CHD7: variants seen among roughly 807,000 people sequenced by gnomAD.
The protein encoded by CHD7 is ATP-dependent chromatin remodeler CHD7.
In CHD7, 24 loss-of-function variants were observed where a neutral mutation model predicts 307.3. The observed-to-expected ratio is 0.08, with a 90% CI of 0.06 to 0.11. The LOEUF (loss-of-function observed/expected upper bound fraction) is 0.11. Among genes scored for constraint, CHD7 ranks in the 10% least tolerant of loss-of-function variants. CHD7 has a pLI of 1.00. For synonymous variants in CHD7, 1,363 were observed against 1,349.9 expected (o/e 1.01, Z -0.21); for missense variants, 3,106 against 3,727.1 (o/e 0.83, Z 4.34).
intron 6 of CHD7, among the ~76,000 whole-genome samples, chr8:60,804,562 C>T (rs986348448): frequency 1.3e-5 from 2 of 152,138 alleles, no homozygotes; most frequent in Admixed American, 6.5e-5. Context: ...GATTTGGTGT[C>T]TCTAGTAAAG....
chr8:60,850,480 G>T lies in CHD7; in HGVS notation c.5405-13G>T, dbSNP rs1131690787. The T allele has an allele frequency of 2.5e-6, 4 of 1,597,806 alleles. No individual in the cohort carries two copies. The highest frequency in any genetic ancestry group is 3.4e-6 in the Non-Finnish European group (4 of 1,166,580). The stretch of plus-strand genomic sequence containing the variant: ...TTCTGTGTGTTTTCTGTGCACGGAT[G>T]GGCACGGCACAGGCTATGAGAAGTA... On this transcript the variant is annotated splice_polypyrimidine_tract_variant and intron_variant, in intron 25 of 37. Coordinates refer to ENST00000423902, the MANE Select transcript of CHD7 (RefSeq NM_017780.4).
At chr8:60,715,900 C>G (rs1377528737) in intron 1 of CHD7, among the ~76,000 whole-genome samples, 4 of 152,194 alleles carry the variant, frequency 2.6e-5, no homozygotes, top group Non-Finnish European at 4.4e-5. Context: ...ACTGTCCACG[C>G]CCTGTGTCTT....
chr8:60,716,112 C>T (rs1807584935), intron 1 of CHD7, among the ~76,000 whole-genome samples: 2 of 152,206 alleles, frequency 1.3e-5, no homozygotes, highest in South Asian at 2.1e-4. Flanking sequence ...CTGGCTCTGC[C>T]TTTAAAGTAT....
intron 3 of CHD7, among the ~76,000 whole-genome samples, chr8:60,786,496 G>A (rs1811497606): frequency 2.0e-5 from 3 of 152,186 alleles, no homozygotes; most frequent in Admixed American, 2.0e-4. Context: ...CCAAAGCAGT[G>A]GCCTTGTTCC....
chr8:60,685,990 T>C (rs1162635658), intron 1 of CHD7, among the ~76,000 whole-genome samples: 1 of 152,202 alleles, frequency 6.6e-6, no homozygotes, highest in Non-Finnish European at 1.5e-5. Flanking sequence ...CTTGTGTGCA[T>C]AAAGATAACC....
chr8:60,742,164 C>G lies in CHD7; in HGVS notation c.732C>G (p.Ser244Arg), dbSNP rs779776551. ...CCCACGTGCCCCAGCAGAGTCCCAG[C>G]ATGGCACCTTCCTTGCGTCACTCGG... The part of the protein sequence containing the change: ...HLSHVPQQSP[S>R]MAPSLRHSVQ... Residue 244 changes from serine (S) to arginine (R), a missense_variant, in exon 2 of 38, where the codon AGC becomes AGG. This residue lies in a region of CHD7 where 998 missense variants were observed against 1,004.5 expected (regional missense o/e 0.99). Transcript: ENST00000423902. The G allele has an allele frequency of 6.2e-6, 10 of 1,613,956 alleles. No homozygotes were observed. Among genetic ancestry groups the G allele is most frequent in the Non-Finnish European group, 8.5e-6 (10 of 1,179,882 alleles).
At chr8:60,808,153 A>G in intron 6 of CHD7, 64 bp from the exon 7 acceptor site, 1 of 1,128,844 alleles carries the variant, frequency 8.9e-7, no homozygotes, top group South Asian at 1.3e-5. Flanking sequence ...GGAGTAAATC[A>G]TTACTTTTAA....
At chr8:60,703,046 G>A (rs990049327) in intron 1 of CHD7, among the ~76,000 whole-genome samples, 3 of 152,192 alleles carry the variant, frequency 2.0e-5, no homozygotes, top group African/African-American at 7.2e-5. Flanking sequence ...AAGTTACATG[G>A]CCAGGCAGTG....
intron 23 of CHD7, among the ~76,000 whole-genome samples, chr8:60,846,264 G>T (rs1405976401): frequency 2.0e-5 from 3 of 152,106 alleles, no homozygotes; most frequent in Admixed American, 1.3e-4. Flanking sequence ...GGAAGACTGG[G>T]GAGTTCATGT....
At chr8:60,738,835 T>G (rs766767833) in intron 1 of CHD7, among the ~76,000 whole-genome samples, 1 of 152,140 alleles carries the variant, frequency 6.6e-6, no homozygotes, top group Non-Finnish European at 1.5e-5. Flanking sequence ...GCTTAGTTGA[T>G]ACCATATAAT....
At position 60,712,357 on chromosome 8, in the gene CHD7, A is replaced by C. The variant is rs868856135; in HGVS notation, c.-174-28902A>C. ...CTAAGCAACATCATATTTTATAGGG[A>C]AAAATAATAGGAAAAAAGAAGAATT... On this transcript the variant is annotated intron_variant, in intron 1 of 37. Coordinates refer to ENST00000423902, the MANE Select transcript of CHD7 (RefSeq NM_017780.4). Among the ~76,000 whole-genome samples the C allele has an allele frequency of 1.4e-4, 22 of 152,300 alleles. 1 individual carries two copies. Among genetic ancestry groups the C allele is most frequent in the African/African-American group, 4.6e-4 (19 of 41,560 alleles).
intron 1 of CHD7, among the ~76,000 whole-genome samples, chr8:60,711,870 AT>A (rs1247754239): frequency 6.6e-6 from 1 of 152,238 alleles, no homozygotes; most frequent in Non-Finnish European, 1.5e-5. Context: ...CCAGAACAAA[AT>A]TACCCATTCA....
At position 60,800,382 on chromosome 8, in the gene CHD7, T is replaced by C; in HGVS notation, c.2239-6T>C. 1 of 1,612,632 alleles carries C rather than the reference T, an allele frequency of 6.2e-7. No homozygotes were observed. The highest frequency in any genetic ancestry group is 8.5e-7 in the Non-Finnish European group (1 of 1,179,234). On this transcript the variant is annotated splice_region_variant and splice_polypyrimidine_tract_variant and intron_variant, in intron 4 of 37. Coordinates refer to ENST00000423902, the MANE Select transcript of CHD7 (RefSeq NM_017780.4). ...TCAAGGCCACTGTCTTGGGTTTTTG[T>C]TTTAGAAGAGACGGTCCAGCAGACA... is the stretch of plus-strand genomic sequence containing the variant.
chr8:60,821,249 T>TA (rs1232178305), intron 9 of CHD7, among the ~76,000 whole-genome samples: 4 of 152,096 alleles, frequency 2.6e-5, no homozygotes, highest in East Asian at 1.9e-4. Context: ...TTTGTACAGA[T>TA]AAAAAAAATC....
chr8:60,749,824 T>G (rs1169533249), intron 2 of CHD7, among the ~76,000 whole-genome samples: 2 of 152,228 alleles, frequency 1.3e-5, no homozygotes, highest in African/African-American at 4.8e-5. Flanking sequence ...CCTTTACTGG[T>G]CTCTCTTTCC....
intron 1 of CHD7, among the ~76,000 whole-genome samples, chr8:60,693,224 C>T (rs1228904657): frequency 6.6e-6 from 1 of 152,202 alleles, no homozygotes; most frequent in Non-Finnish European, 1.5e-5. Flanking sequence ...CCCAGGCCTG[C>T]TAGGTCATTA....
intron 2 of CHD7, among the ~76,000 whole-genome samples, chr8:60,758,951 C>A (rs535555171): frequency 6.6e-6 from 1 of 152,170 alleles, no homozygotes; most frequent in Non-Finnish European, 1.5e-5. Context: ...GCAAGAATAA[C>A]AATTACCAGC....
chr8:60,795,111 A>C lies in CHD7; in HGVS notation c.2222A>C (p.Glu741Ala). The part of the protein sequence containing the change: ...PPPSPPPEED[E>A]DPGVQKRRSS... The stretch of plus-strand genomic sequence containing the variant: ...CCATCTCCTCCTCCTGAAGAAGATG[A>C]GGACCCAGGTGTTCAGGTAATACAA... Residue 741 changes from glutamate (E) to alanine (A), a missense_variant, in exon 4 of 38, where the codon GAG becomes GCG. Physicochemically the swap from Glu to Ala is moderately radical, Grantham distance 107. Around this residue, in one of 10 missense-constraint regions of CHD7, gnomAD observed 998 missense variants for 1,004.5 expected, o/e 0.99. Transcript: ENST00000423902. The C allele has an allele frequency of 6.2e-7, 1 of 1,613,364 alleles. No homozygotes were observed. The highest frequency in any genetic ancestry group is 8.5e-7 in the Non-Finnish European group (1 of 1,179,654).
intron 1 of CHD7, among the ~76,000 whole-genome samples, chr8:60,723,654 G>A (rs940441622): frequency 1.2e-4 from 18 of 152,186 alleles, no homozygotes; most frequent in African/African-American, 4.1e-4. Context: ...TAGTGACCTT[G>A]GAGACAGGAC....
Sources: gnomAD v4.1 joint callset for allele counts (sites outside exome capture counted in the v4.1 genomes callset) on GRCh38, gnomAD v4.1.1 for gene constraint, gnomAD v4.1.1 regional missense constraint, MANE v1.5 for transcripts, NCBI Gene and HGNC (gene_info 2026-07-23, HGNC 2026-07-21) for gene names.